Variants in ETV1 observed in about 807,000 individuals in gnomAD.
ETV1 encodes the protein ETS translocation variant 1.
A neutral mutation model predicts 62.3 loss-of-function variants in ETV1; 27 were observed. The observed-to-expected ratio is 0.43, with a 90% CI of 0.32 to 0.60. The LOEUF (loss-of-function observed/expected upper bound fraction) is 0.60. ETV1 is among the 20% of genes least tolerant of loss of function. The pLI, the probability that ETV1 is intolerant of heterozygous loss-of-function variation, is 0.06. For missense variants in ETV1, 605 were observed against 605.8 expected (o/e 1.00, Z 0.01); for synonymous variants, 222 against 199.6 (o/e 1.11, Z -0.94).
intron 6 of ETV1, among the ~76,000 whole-genome samples, chr7:13,947,392 C>CAAAA (rs11352949): frequency 2.3e-5 from 2 of 86,484 alleles, no homozygotes; most frequent in Admixed American, 1.2e-4. Flanking sequence ...ACTAACTATA[C>CAAAA]AAAAAAAAAA....
chr7:13,984,392 C>A (rs1292007757), intron 5 of ETV1, among the ~76,000 whole-genome samples: 1 of 151,920 alleles, frequency 6.6e-6, no homozygotes, highest in Admixed American at 6.6e-5. Flanking sequence ...ATTTGGGGAT[C>A]TCTTCTTAGC....
At position 13,931,632 on chromosome 7, in the gene ETV1, T is replaced by C. The variant is rs374729889; in HGVS notation, c.672A>G (p.Pro224=). The C allele has an allele frequency of 4.3e-6, 7 of 1,613,876 alleles. No homozygotes were observed. In the African/African-American group the frequency reaches 8.0e-5, roughly 18 times the overall value. ...CGTGGTACTCCTGCTTAAAGCCTTG[T>C]GGTGGGAAGGGGATGTTTGGCTCAG... ...QMSEPNIPFP[P]QGFKQEYHDP... is the part of the protein sequence containing the mutation. Residue 224 remains proline, a synonymous_variant, in exon 9 of 14, where the codon CCA becomes CCG. Transcript: ENST00000430479.
intron 9 of ETV1, among the ~76,000 whole-genome samples, chr7:13,922,776 T>C (rs1238467387): frequency 6.6e-6 from 1 of 152,228 alleles, no homozygotes; most frequent in Admixed American, 6.5e-5. Context: ...TTAGTGTCTT[T>C]CAACAGCTTT....
intron 7 of ETV1, among the ~76,000 whole-genome samples, chr7:13,938,009 G>A (rs988517212): frequency 2.6e-5 from 4 of 152,150 alleles, no homozygotes; most frequent in Non-Finnish European, 4.4e-5. Flanking sequence ...GCAATGGCGC[G>A]ATCTCGGCTC....
chr7:13,940,034 G>A (rs529919896), intron 6 of ETV1, among the ~76,000 whole-genome samples: 1 of 152,220 alleles, frequency 6.6e-6, no homozygotes, highest in Admixed American at 6.5e-5. Flanking sequence ...TACGTATATG[G>A]GGAGGGAATC....
intron 9 of ETV1, among the ~76,000 whole-genome samples, chr7:13,921,785 T>C (rs1784878588): frequency 6.6e-6 from 1 of 152,160 alleles, no homozygotes; most frequent in South Asian, 2.1e-4. Context: ...AGGTGGGAGA[T>C]GAACCCACCA....
At chr7:13,979,321 C>CA (rs1343069027) in intron 5 of ETV1, among the ~76,000 whole-genome samples, 2 of 151,974 alleles carry the variant, frequency 1.3e-5, no homozygotes, top group Non-Finnish European at 2.9e-5. Context: ...AAGTCATCCA[C>CA]AAAAAAGTAC....
intron 6 of ETV1, among the ~76,000 whole-genome samples, chr7:13,965,234 G>T (rs192534279): frequency 2.6e-5 from 4 of 152,240 alleles, no homozygotes; most frequent in African/African-American, 4.8e-5. Flanking sequence ...GCAGAGAAGC[G>T]CACACACTGC....
intron 11 of ETV1, among the ~76,000 whole-genome samples, chr7:13,909,057 T>A (rs1190277781): frequency 6.6e-6 from 1 of 151,642 alleles, no homozygotes; most frequent in African/African-American, 2.4e-5. Context: ...CAAGTGATAT[T>A]AAAAAGGTAA....
chr7:13,955,510 C>A (rs1324773890), intron 6 of ETV1, among the ~76,000 whole-genome samples: 1 of 151,990 alleles, frequency 6.6e-6, no homozygotes, highest in East Asian at 1.9e-4. Context: ...TGACACAAAC[C>A]CAGCCATTGC....
chr7:13,985,075 A>G (rs1171046960), intron 5 of ETV1, among the ~76,000 whole-genome samples: 2 of 152,088 alleles, frequency 1.3e-5, no homozygotes, highest in South Asian at 2.1e-4. Context: ...TTAAACATCT[A>G]AGAACCAACA....
intron 6 of ETV1, among the ~76,000 whole-genome samples, chr7:13,960,907 T>C (rs1255522901): frequency 1.3e-5 from 2 of 152,116 alleles, no homozygotes; most frequent in Non-Finnish European, 2.9e-5. Flanking sequence ...TGCCAACACT[T>C]TGTGAGGAAG....
chr7:13,912,599 G>A (rs920933466), intron 9 of ETV1, among the ~76,000 whole-genome samples: 2 of 152,084 alleles, frequency 1.3e-5, no homozygotes, highest in African/African-American at 4.8e-5. Flanking sequence ...AGCAATGGAT[G>A]GCAATTTAGA....
intron 9 of ETV1, among the ~76,000 whole-genome samples, chr7:13,929,768 G>A (rs1252353755): frequency 6.6e-6 from 1 of 152,176 alleles, no homozygotes; most frequent in East Asian, 1.9e-4. Flanking sequence ...TGGGGAGCTT[G>A]CATGCTTTCT....
At chr7:13,940,803 C>T (rs552822070) in intron 6 of ETV1, among the ~76,000 whole-genome samples, 5 of 152,134 alleles carry the variant, frequency 3.3e-5, no homozygotes, top group African/African-American at 1.2e-4. Flanking sequence ...TTTGATATCA[C>T]AAACTACCAA....
intron 5 of ETV1, among the ~76,000 whole-genome samples, chr7:13,984,588 C>A (rs926895565): frequency 1.3e-5 from 2 of 151,838 alleles, no homozygotes; most frequent in Non-Finnish European, 2.9e-5. Flanking sequence ...GATAAATTAA[C>A]GTAAACTGTT....
chr7:13,928,612 C>CA (rs796252098), intron 9 of ETV1, among the ~76,000 whole-genome samples: 20 of 147,834 alleles, frequency 1.4e-4, no homozygotes, highest in Admixed American at 2.0e-4. Context: ...GACTCCATCT[C>CA]AAAAAAAAAG....
chr7:13,978,625 T>A lies in ETV1; in HGVS notation c.182-1145A>T, dbSNP rs77360876. 5.8e-3 allele frequency among the ~76,000 whole-genome samples: 884 copies of A among 152,110 alleles called. 18 individuals are homozygous for A. Among genetic ancestry groups the A allele is most frequent in the East Asian group, 0.044 (226 of 5,188 alleles). ...CCTATTCTGCATGAGGAATGCTTAT[T>A]AAAATAAACAGTCTCTTTTGAAAAT... On this transcript the variant is annotated intron_variant, in intron 5 of 13. Transcript: ENST00000430479.
At chr7:13,932,350 A>T (rs1406682026) in intron 8 of ETV1, among the ~76,000 whole-genome samples, 3 of 152,224 alleles carry the variant, frequency 2.0e-5, no homozygotes, top group African/African-American at 7.2e-5. Flanking sequence ...AGGTATTATA[A>T]GGACTCAAAC....
Sources: gnomAD v4.1 joint callset for allele counts (sites outside exome capture counted in the v4.1 genomes callset) on GRCh38, gnomAD v4.1.1 for gene constraint, MANE v1.5 for transcripts, NCBI Gene and HGNC (gene_info 2026-07-23, HGNC 2026-07-21) for gene names.